The following ROR1 variants were observed in gnomAD, a reference collection of about 807,000 sequenced individuals.
ROR1 encodes the protein ROR family WNT receptor 1.
A neutral mutation model predicts 78.8 loss-of-function variants in ROR1; 19 were observed. That is an observed-to-expected ratio of 0.24 (90% CI 0.17 to 0.35). The LOEUF is 0.35. Ranked by LOEUF, ROR1 falls within the 10% of genes least tolerant of loss-of-function variation. The probability of loss-of-function intolerance (pLI) is 1.00; values close to 1 mark genes in which losing one functional copy is unlikely to be tolerated. For missense variants in ROR1, 917 were observed against 1,177.8 expected (o/e 0.78, Z 3.24); for synonymous variants, 386 against 433.6 (o/e 0.89, Z 1.36).
At chr1:64,151,041 C>A (rs923095871) in intron 7 of ROR1, among the ~76,000 whole-genome samples, 5 of 152,128 alleles carry the variant, frequency 3.3e-5, no homozygotes, top group Non-Finnish European at 5.9e-5. Flanking sequence ...GGCTTTGTAA[C>A]AAACTGTTTT....
intron 4 of ROR1, among the ~76,000 whole-genome samples, chr1:64,093,237 C>T (rs1647218814): frequency 6.6e-6 from 1 of 152,030 alleles, no homozygotes; most frequent in Admixed American, 6.6e-5. Flanking sequence ...TAGCCACTGC[C>T]CTTTGTAGGG....
At chr1:63,835,568 G>A (rs1006334903) in intron 1 of ROR1, among the ~76,000 whole-genome samples, 1 of 152,196 alleles carries the variant, frequency 6.6e-6, no homozygotes, top group African/African-American at 2.4e-5. Context: ...GTGCCTTTGG[G>A]GAGGATACTG....
chr1:63,895,522 G>A (rs1360383826), intron 1 of ROR1, among the ~76,000 whole-genome samples: 1 of 152,108 alleles, frequency 6.6e-6, no homozygotes, highest in East Asian at 1.9e-4. Context: ...TGAGGTTTTG[G>A]CATGTTTAGT....
At chr1:63,858,639 G>A (rs1244676250) in intron 1 of ROR1, among the ~76,000 whole-genome samples, 2 of 152,152 alleles carry the variant, frequency 1.3e-5, no homozygotes, top group African/African-American at 4.8e-5. Flanking sequence ...TGATGATAGT[G>A]TTGTTTTTCC....
intron 7 of ROR1, among the ~76,000 whole-genome samples, chr1:64,151,534 G>A (rs1320423797): frequency 6.6e-6 from 1 of 152,096 alleles, no homozygotes; most frequent in Non-Finnish European, 1.5e-5. Flanking sequence ...TGTCATCACT[G>A]ACTTTAAATC....
At chr1:63,963,929 G>C (rs1350079289) in intron 1 of ROR1, among the ~76,000 whole-genome samples, 2 of 152,148 alleles carry the variant, frequency 1.3e-5, no homozygotes. Context: ...GGCCTTTTCT[G>C]ACCGTGAAGC....
Position 63,943,460 on chromosome 1 carries a change from G to A in ROR1, c.92-65845G>A, listed in dbSNP as rs1020193507. Among the ~76,000 whole-genome samples the A allele has an allele frequency of 5.9e-5, 9 of 152,218 alleles. No individual in the cohort carries two copies. The East Asian group carries it at 1.7e-3, about 29-fold the overall frequency. ...CTGTGCTTCACAGCCTTGCTCTTTA[G>A]GAAGTCCGTAGAGGAACCCAGCTCC... On this transcript the variant is annotated intron_variant, in intron 1 of 8. Transcript: ENST00000371079.
At chr1:63,925,441 T>G (rs1645694179) in intron 1 of ROR1, among the ~76,000 whole-genome samples, 1 of 151,982 alleles carries the variant, frequency 6.6e-6, no homozygotes, top group African/African-American at 2.4e-5. Flanking sequence ...GGTTCCAAGT[T>G]TTTGCTATCG....
In ROR1 at chr1:64,137,617, A is replaced by G. The variant is rs1351997708; in HGVS notation, c.610+121A>G. The G allele has an allele frequency of 1.1e-4, 96 of 858,624 alleles. No homozygotes were observed. In the East Asian group the frequency reaches 2.4e-3, roughly 22 times the overall value. 53.2% of individuals were successfully genotyped at this position (858,624 alleles called of 1,614,324 possible). ...CAGCATGGAGGTTGGGAGCAGGACCATAAAAAAGCATGAGACATGATCTCT... is the reference window on the plus strand; with the variant it reads ...CAGCATGGAGGTTGGGAGCAGGACCGTAAAAAAGCATGAGACATGATCTCT... On this transcript the variant is annotated intron_variant, in intron 5 of 8. Transcript: ENST00000371079.
At chr1:64,017,411 G>A (rs1263923022) in intron 2 of ROR1, among the ~76,000 whole-genome samples, 1 of 152,154 alleles carries the variant, frequency 6.6e-6, no homozygotes, top group East Asian at 1.9e-4. Context: ...TTTTTGACAA[G>A]TCTATTCACT....
chr1:64,028,338 C>T (rs1646630943), intron 2 of ROR1, among the ~76,000 whole-genome samples: 1 of 152,028 alleles, frequency 6.6e-6, no homozygotes, highest in Non-Finnish European at 1.5e-5. Flanking sequence ...GAATTGGGCA[C>T]ATAATAGGTT....
intron 1 of ROR1, among the ~76,000 whole-genome samples, chr1:63,938,980 G>A (rs1057097943): frequency 6.6e-6 from 1 of 151,972 alleles, no homozygotes; most frequent in Non-Finnish European, 1.5e-5. Flanking sequence ...CTTGGGTGAC[G>A]GAGGGAGACC....
chr1:64,051,659 TA>T (rs1017619653), intron 4 of ROR1, among the ~76,000 whole-genome samples: 5 of 152,118 alleles, frequency 3.3e-5, no homozygotes, highest in African/African-American at 7.2e-5. Flanking sequence ...TTGTTCTGGC[TA>T]AAGGATTCTC....
chr1:64,150,271 A>G (rs1043952655), intron 7 of ROR1, among the ~76,000 whole-genome samples: 13 of 151,768 alleles, frequency 8.6e-5, no homozygotes, highest in African/African-American at 3.2e-4. Context: ...GTGGTGAACC[A>G]TTTGGCTCCA....
chr1:64,053,230 G>A (rs925562375), intron 4 of ROR1, among the ~76,000 whole-genome samples: 10 of 152,182 alleles, frequency 6.6e-5, no homozygotes, highest in Non-Finnish European at 1.3e-4. Flanking sequence ...CATTCAGAAC[G>A]TAAGGACTGT....
At chr1:64,028,588 G>A (rs899626028) in intron 2 of ROR1, among the ~76,000 whole-genome samples, 7 of 152,068 alleles carry the variant, frequency 4.6e-5, no homozygotes, top group African/African-American at 1.4e-4. Context: ...CATTCTAGAA[G>A]ATGCAATTGC....
intron 2 of ROR1, among the ~76,000 whole-genome samples, chr1:64,012,530 A>T (rs1049595758): frequency 3.5e-4 from 54 of 152,224 alleles, no homozygotes; most frequent in African/African-American, 1.1e-3. Flanking sequence ...ATCCTCATGC[A>T]TGAAGGTTTT....
chr1:64,160,839 G>A (rs1489362697), intron 8 of ROR1, among the ~76,000 whole-genome samples: 1 of 152,186 alleles, frequency 6.6e-6, no homozygotes, highest in African/African-American at 2.4e-5. Context: ...CTCTGGGCGG[G>A]GGAGAGACCT....
At chr1:64,122,210 A>G (rs1439728812) in intron 4 of ROR1, among the ~76,000 whole-genome samples, 1 of 152,218 alleles carries the variant, frequency 6.6e-6, no homozygotes, top group Non-Finnish European at 1.5e-5. Flanking sequence ...TTTACACTGT[A>G]TCCTAAAAAC....
Sources: gnomAD v4.1 joint callset for allele counts (sites outside exome capture counted in the v4.1 genomes callset) on GRCh38, gnomAD v4.1.1 for gene constraint, MANE v1.5 for transcripts, NCBI Gene and HGNC (gene_info 2026-07-23, HGNC 2026-07-21) for gene names.